Variants in KLHL20 observed in about 807,000 individuals in gnomAD.
KLHL20 encodes the protein kelch like family member 20.
KLHL20 carries 29 observed loss-of-function variants against 69.5 expected under a neutral mutation model. That is an observed-to-expected ratio of 0.42 (90% CI 0.31 to 0.57). KLHL20 has a LOEUF of 0.57. Ranked by LOEUF, KLHL20 falls within the 20% of genes least tolerant of loss-of-function variation. The probability of loss-of-function intolerance (pLI) is 0.18; values close to 1 mark genes in which losing one functional copy is unlikely to be tolerated. For synonymous variants in KLHL20, 253 were observed against 265.2 expected (o/e 0.95, Z 0.45); for missense variants, 419 against 776.0 (o/e 0.54, Z 5.47).
intron 3 of KLHL20, among the ~76,000 whole-genome samples, chr1:173,735,587 G>A (rs1672491682): frequency 6.6e-6 from 1 of 152,160 alleles, no homozygotes; most frequent in South Asian, 2.1e-4. Context: ...CAGTAAAGTG[G>A]TCAGCTCAGG....
rs527731870 is a variant in KLHL20 at position 173,724,242 on chromosome 1, G to T, written c.23+8176G>T. ...GGCATGGCAAACTCCTGGGCTTAAG[G>T]GATCCCCCCGCCTCAACCTCCCAAA... On this transcript the variant is annotated intron_variant, in intron 2 of 11. Transcript: ENST00000209884. Among the ~76,000 whole-genome samples, 284 of 151,368 alleles carry T rather than the reference G, an allele frequency of 1.9e-3. 4 individuals carry two copies. The highest frequency in any genetic ancestry group is 4.0e-3 in the South Asian group (19 of 4,788).
At chr1:173,783,685 T>C (rs984719405) in intron 11 of KLHL20, among the ~76,000 whole-genome samples, 2 of 151,920 alleles carry the variant, frequency 1.3e-5, no homozygotes, top group Non-Finnish European at 2.9e-5. Context: ...CTGGCCAACA[T>C]GATGAAACCT....
intron 3 of KLHL20, among the ~76,000 whole-genome samples, chr1:173,747,903 A>T (rs1300835549): frequency 6.6e-6 from 1 of 151,830 alleles, no homozygotes; most frequent in African/African-American, 2.4e-5. Flanking sequence ...AAAAAAAAAA[A>T]AATGATGAAA....
At chr1:173,731,991 A>G (rs1672303729) in intron 2 of KLHL20, among the ~76,000 whole-genome samples, 1 of 152,058 alleles carries the variant, frequency 6.6e-6, no homozygotes, top group Non-Finnish European at 1.5e-5. Context: ...AGGTCAGGAG[A>G]TCAAGACCAT....
intron 7 of KLHL20, among the ~76,000 whole-genome samples, chr1:173,762,160 A>G (rs953472320): frequency 7.9e-5 from 12 of 152,154 alleles, no homozygotes; most frequent in African/African-American, 2.9e-4. Flanking sequence ...CAACCCTCCT[A>G]TCTTAAATCA....
intron 3 of KLHL20, among the ~76,000 whole-genome samples, chr1:173,735,193 C>G (rs1267155423): frequency 5.3e-5 from 8 of 152,182 alleles, no homozygotes; most frequent in Non-Finnish European, 1.2e-4. Flanking sequence ...TGCCTGTGAT[C>G]CCAGCACTTT....
chr1:173,753,192 A>G, intron 4 of KLHL20, 21 bp from the exon 5 acceptor site: 2 of 1,585,236 alleles, frequency 1.3e-6, no homozygotes, highest in South Asian at 1.1e-5. Context: ...AATTAAAATA[A>G]TGGTGTTTAT....
At chr1:173,750,421 C>G in intron 3 of KLHL20, among the ~76,000 whole-genome samples, 1 of 152,050 alleles carries the variant, frequency 6.6e-6, no homozygotes, top group South Asian at 2.1e-4. Flanking sequence ...GTGATCCATT[C>G]ACCTCAGCCA....
intron 2 of KLHL20, among the ~76,000 whole-genome samples, chr1:173,730,658 G>A (rs1672225076): frequency 6.6e-6 from 1 of 152,318 alleles, no homozygotes; most frequent in Admixed American, 6.5e-5. Flanking sequence ...GGGAAAACTG[G>A]CTAGCTGTAT....
chr1:173,720,925 T>C (rs1411445195), intron 2 of KLHL20, among the ~76,000 whole-genome samples: 1 of 152,122 alleles, frequency 6.6e-6, no homozygotes, highest in Admixed American at 6.5e-5. Context: ...AGCATGTGAT[T>C]GGAATATGAC....
At chr1:173,740,499 C>T (rs1672754755) in intron 3 of KLHL20, among the ~76,000 whole-genome samples, 1 of 151,948 alleles carries the variant, frequency 6.6e-6, no homozygotes, top group Non-Finnish European at 1.5e-5. Context: ...TCTATTTGTA[C>T]TCTTTCAGAA....
intron 2 of KLHL20, among the ~76,000 whole-genome samples, chr1:173,730,906 A>G (rs1400417588): frequency 6.6e-6 from 1 of 152,194 alleles, no homozygotes; most frequent in African/African-American, 2.4e-5. Flanking sequence ...TGCACAGCAA[A>G]AGAAACTACC....
intron 10 of KLHL20, among the ~76,000 whole-genome samples, chr1:173,778,754 A>G (rs889994027): frequency 6.6e-6 from 1 of 152,162 alleles, no homozygotes; most frequent in African/African-American, 2.4e-5. Context: ...GTATTGGCAT[A>G]TATTTGTTCA....
In KLHL20 at chr1:173,753,246, C is replaced by G; in HGVS notation, c.790C>G (p.Pro264Ala). 6.2e-7 allele frequency: 1 copy of G among 1,614,010 alleles called. No homozygotes were observed. Among genetic ancestry groups the G allele is most frequent in the Admixed American group, 1.7e-5 (1 of 60,014 alleles). Residue 264 changes from proline to alanine, a missense_variant, in exon 5 of 12, where the codon CCC becomes GCC. Physicochemically the swap from Pro to Ala is conservative, Grantham distance 27 (BLOSUM62 -1). Transcript: ENST00000209884. ...LQHVRLPLLS[P>A]KFLVGTVGSD... ...GCATGTTCGTTTGCCTTTGCTTAGT[C>G]CCAAGTTCCTGGTCGGCACAGTAGG...
In KLHL20 at chr1:173,742,801, TTATTAA is replaced by T. The variant is rs1219691971; in HGVS notation, c.597+8518_597+8523del. On this transcript the variant is annotated intron_variant, in intron 3 of 11. Transcript: ENST00000209884. Reference sequence around the variant, plus strand: ...GCATATATATATGCTGAAGTAAAAGTTATTAATAGTATTAGGCCCATTGGCCTTAAG... The same window carrying T: ...GCATATATATATGCTGAAGTAAAAGTTAGTATTAGGCCCATTGGCCTTAAG... Among the ~76,000 whole-genome samples, 3 of 151,330 alleles carry T rather than the reference TTATTAA, an allele frequency of 2.0e-5. No homozygotes were observed. The South Asian group carries it at 6.2e-4, about 31-fold the overall frequency.
chr1:173,726,296 C>T (rs1367109952), intron 2 of KLHL20, among the ~76,000 whole-genome samples: 3 of 151,966 alleles, frequency 2.0e-5, no homozygotes, highest in African/African-American at 4.8e-5. Flanking sequence ...GGCCTGCCTG[C>T]CTCAGTAGAC....
chr1:173,725,080 A>G (rs1399748696), intron 2 of KLHL20, among the ~76,000 whole-genome samples: 2 of 142,842 alleles, frequency 1.4e-5, no homozygotes, highest in Non-Finnish European at 3.1e-5. Context: ...GACTGAATCT[A>G]AAAAAAAAAA....
chr1:173,762,434 G>C (rs908742059), intron 7 of KLHL20, among the ~76,000 whole-genome samples: 1 of 152,064 alleles, frequency 6.6e-6, no homozygotes, highest in Admixed American at 6.6e-5. Flanking sequence ...AACTAAAAAA[G>C]AAAACTACAG....
At chr1:173,780,176 T>A (rs1488125961) in intron 10 of KLHL20, among the ~76,000 whole-genome samples, 1 of 152,224 alleles carries the variant, frequency 6.6e-6, no homozygotes, top group Admixed American at 6.5e-5. Context: ...TTTTTATTAC[T>A]GACAACTAAC....
Sources: gnomAD v4.1 joint callset for allele counts (sites outside exome capture counted in the v4.1 genomes callset) on GRCh38, gnomAD v4.1.1 for gene constraint, MANE v1.5 for transcripts, NCBI Gene and HGNC (gene_info 2026-07-23, HGNC 2026-07-21) for gene names.